Variants in DAB1 observed in about 807,000 individuals in gnomAD.
DAB1 encodes the protein DAB adaptor protein 1.
DAB1 carries 15 observed loss-of-function variants against 64.6 expected under a neutral mutation model. The ratio of observed to expected loss-of-function variants is 0.23; its 90% CI spans 0.16 to 0.36. The LOEUF (loss-of-function observed/expected upper bound fraction) is 0.36, where lower values mean the gene tolerates loss of function less well. DAB1 is among the 10% of genes least tolerant of loss of function. The pLI is 1.00. For synonymous variants in DAB1, 235 were observed against 251.9 expected, an observed-to-expected ratio of 0.93 and a Z score of 0.64; for missense variants, 596 against 706.7, an observed-to-expected ratio of 0.84 and a Z score of 1.78.
intron 5 of DAB1, among the ~76,000 whole-genome samples, chr1:58,059,797 A>G (rs1648376640): frequency 6.6e-6 from 1 of 152,204 alleles, no homozygotes; most frequent in Admixed American, 6.5e-5. Context: ...TCATTTCACA[A>G]GAAGTCACAG....
chr1:57,587,590 G>A (rs1178850268), intron 7 of DAB1, among the ~76,000 whole-genome samples: 2 of 152,158 alleles, frequency 1.3e-5, no homozygotes, highest in Non-Finnish European at 2.9e-5. Context: ...CTTACCACAA[G>A]GTTATAATAG....
At chr1:57,535,538 T>G (rs1192317853) in intron 7 of DAB1, among the ~76,000 whole-genome samples, 6 of 151,566 alleles carry the variant, frequency 4.0e-5, no homozygotes, top group Non-Finnish European at 7.4e-5. Flanking sequence ...GGCGTGATCT[T>G]AGTTCACTGA....
chr1:58,022,826 C>A (rs906804184), intron 5 of DAB1, among the ~76,000 whole-genome samples: 3 of 152,076 alleles, frequency 2.0e-5, no homozygotes, highest in African/African-American at 4.8e-5. Flanking sequence ...TACTGTATTA[C>A]CTTCATCATC....
At chr1:57,273,139 T>A (rs1008911302) in intron 2 of DAB1, among the ~76,000 whole-genome samples, 1 of 152,188 alleles carries the variant, frequency 6.6e-6, no homozygotes, top group Non-Finnish European at 1.5e-5. Flanking sequence ...ATATAACTGG[T>A]CAGTTTCCAC....
chr1:58,095,020 C>G (rs1267261719), intron 5 of DAB1, among the ~76,000 whole-genome samples: 2 of 152,210 alleles, frequency 1.3e-5, no homozygotes, highest in Non-Finnish European at 2.9e-5. Context: ...TCTATTGCAA[C>G]TGCCCAACTC....
At chr1:58,063,942 G>C (rs1648672981) in intron 5 of DAB1, among the ~76,000 whole-genome samples, 1 of 152,206 alleles carries the variant, frequency 6.6e-6, no homozygotes, top group African/African-American at 2.4e-5. Context: ...ATGTGTAAAA[G>C]CATTTGTTGA....
At chr1:57,902,654 C>T (rs1246770763) in intron 5 of DAB1, among the ~76,000 whole-genome samples, 1 of 152,136 alleles carries the variant, frequency 6.6e-6, no homozygotes, top group East Asian at 1.9e-4. Context: ...AGCCGTTTTA[C>T]AGAATAATCC....
intron 6 of DAB1, among the ~76,000 whole-genome samples, chr1:57,728,538 G>A (rs915067585): frequency 2.0e-5 from 3 of 151,766 alleles, no homozygotes; most frequent in Non-Finnish European, 2.9e-5. Flanking sequence ...AATTTGCAGT[G>A]AGCCGAGATC....
chr1:58,284,701 C>T (rs1283238843), intron 4 of DAB1, among the ~76,000 whole-genome samples: 2 of 152,234 alleles, frequency 1.3e-5, no homozygotes, highest in East Asian at 3.8e-4. Context: ...AGATTCTTTG[C>T]CTCTTTATTA....
intron 7 of DAB1, among the ~76,000 whole-genome samples, chr1:57,625,944 C>G (rs1026696604): frequency 3.3e-5 from 5 of 152,010 alleles, no homozygotes; most frequent in Non-Finnish European, 5.9e-5. Flanking sequence ...AGACATTTAC[C>G]AAAATACTGT....
chr1:57,107,006 T>C (rs1655222089), intron 4 of DAB1, among the ~76,000 whole-genome samples: 1 of 152,140 alleles, frequency 6.6e-6, no homozygotes, highest in Non-Finnish European at 1.5e-5. Context: ...TCAGGCATCA[T>C]TGTGTTGATA....
Position 57,752,804 on chromosome 1 carries a change from G to A in DAB1, n.552-103139C>T, listed in dbSNP as rs555492076. 5.8e-4 allele frequency among the ~76,000 whole-genome samples: 89 copies of A among 152,322 alleles called. 3 individuals carry two copies. Among genetic ancestry groups the A allele is most frequent in the South Asian group, 2.3e-3 (11 of 4,828 alleles). On this transcript the variant is annotated intron_variant and non_coding_transcript_variant, in intron 6 of 20. Transcript: ENST00000485760. ...GAAGTAACAGAATCTAATTTATACA[G>A]TTCTTGTAAGGGTTAAATAAAGTCA...
At chr1:57,838,654 C>T (rs148267997) in intron 1 of DAB1, among the ~76,000 whole-genome samples, 2,846 of 152,280 alleles carry the variant, frequency 0.019, 44 homozygotes, top group Middle Eastern at 0.054. Flanking sequence ...AACCATACCA[C>T]TTCAGACCAA....
chr1:57,316,769 C>T (rs1026012074), intron 1 of DAB1, among the ~76,000 whole-genome samples: 6 of 152,186 alleles, frequency 3.9e-5, no homozygotes, highest in Non-Finnish European at 4.4e-5. Context: ...CCTTCCTAAT[C>T]AAACCAACAG....
intron 1 of DAB1, among the ~76,000 whole-genome samples, chr1:57,398,769 G>C (rs1195712728): frequency 6.6e-6 from 1 of 152,222 alleles, no homozygotes; most frequent in Non-Finnish European, 1.5e-5. Flanking sequence ...CTGTCTGAAG[G>C]CTGGAGATGC....
At chr1:57,445,277 T>C (rs1420390771) in intron 7 of DAB1, among the ~76,000 whole-genome samples, 2 of 152,148 alleles carry the variant, frequency 1.3e-5, no homozygotes, top group South Asian at 2.1e-4. Flanking sequence ...TACATATATA[T>C]GCAGAAGCAA....
intron 7 of DAB1, among the ~76,000 whole-genome samples, chr1:57,571,308 AG>A (rs1315163667): frequency 3.3e-5 from 5 of 152,182 alleles, no homozygotes; most frequent in African/African-American, 1.2e-4. Context: ...GAATAGTATG[AG>A]AAGAATCTTA....
At chr1:57,049,839 G>A (rs1379623124) in intron 9 of DAB1, among the ~76,000 whole-genome samples, 1 of 152,290 alleles carries the variant, frequency 6.6e-6, no homozygotes, top group South Asian at 2.1e-4. Context: ...TGGTCAACAA[G>A]GAGGCAGTAG....
intron 3 of DAB1, among the ~76,000 whole-genome samples, chr1:58,395,324 G>A (rs996731238): frequency 6.6e-6 from 1 of 152,136 alleles, no homozygotes; most frequent in African/African-American, 2.4e-5. Flanking sequence ...AGTTTCTTCT[G>A]TCCCTCTCTC....
Sources: gnomAD v4.1 joint callset for allele counts (sites outside exome capture counted in the v4.1 genomes callset) on GRCh38, gnomAD v4.1.1 for gene constraint, MANE v1.5 for transcripts, NCBI Gene and HGNC (gene_info 2026-07-23, HGNC 2026-07-21) for gene names.